Variants in XPR1 observed in about 807,000 individuals in gnomAD.
XPR1 encodes the protein xenotropic and polytropic retrovirus receptor 1.
XPR1 carries 28 observed loss-of-function variants against 87.5 expected under a neutral mutation model. The ratio of observed to expected loss-of-function variants is 0.32; its 90% CI spans 0.24 to 0.44. The LOEUF is 0.44. Ranked by LOEUF, XPR1 falls within the 20% of genes least tolerant of loss-of-function variation. XPR1 has a pLI of 1.00. For synonymous variants in XPR1, 300 were observed against 306.1 expected (o/e 0.98, Z 0.21); for missense variants, 559 against 862.3 (o/e 0.65, Z 4.41).
chr1:180,800,520 C>G (rs1361224592), intron 3 of XPR1, among the ~76,000 whole-genome samples: 2 of 152,226 alleles, frequency 1.3e-5, no homozygotes, highest in African/African-American at 4.8e-5. Context: ...AGCAGCCTAG[C>G]TAACACCTTG....
Position 180,674,651 on chromosome 1 carries a change from C to G in XPR1, c.70-7709C>G, listed in dbSNP as rs553270986. ...TCAGGTGGTCCTCCTGCCTCAGCCTCCTTAGAAGCTGGGCCTTCAAATACA... is the reference window on the plus strand; with the variant it reads ...TCAGGTGGTCCTCCTGCCTCAGCCTGCTTAGAAGCTGGGCCTTCAAATACA... On this transcript the variant is annotated intron_variant, in intron 1 of 14. Transcript: ENST00000367590. Among the ~76,000 whole-genome samples the G allele has an allele frequency of 6.6e-4, 101 of 152,162 alleles. 1 individual carries two copies. The highest frequency in any genetic ancestry group is 4.1e-4 in the Non-Finnish European group (28 of 68,004).
intron 1 of XPR1, among the ~76,000 whole-genome samples, chr1:180,668,146 T>A (rs1024166949): frequency 2.8e-5 from 4 of 140,614 alleles, no homozygotes; most frequent in Middle Eastern, 3.8e-3. Flanking sequence ...TTTTTTTTTT[T>A]AAGACAGAGT....
chr1:180,726,543 G>A (rs932560964), intron 2 of XPR1, among the ~76,000 whole-genome samples: 6 of 152,212 alleles, frequency 3.9e-5, no homozygotes, highest in African/African-American at 7.2e-5. Context: ...AGTTATCAAA[G>A]TGTTATCCAT....
rs369441954 is a variant in XPR1, at chr1:180,790,494, T to C, written c.223+2640T>C. Among the ~76,000 whole-genome samples the C allele has an allele frequency of 3.0e-4, 46 of 152,308 alleles. No homozygotes were observed. In the South Asian group the frequency reaches 4.8e-3, roughly 16 times the overall value. On this transcript the variant is annotated intron_variant, in intron 3 of 14. Transcript: ENST00000367590. ...CATGAAAGAACATGGCATATATGCA[T>C]GTCTCTTTCACCAGGATACAGGCAC... is the stretch of plus-strand genomic sequence containing the variant.
At chr1:180,686,564 C>G (rs1656785003) in intron 2 of XPR1, among the ~76,000 whole-genome samples, 1 of 152,104 alleles carries the variant, frequency 6.6e-6, no homozygotes, top group Admixed American at 6.5e-5. Flanking sequence ...TCTCGTTGAT[C>G]TGTCTGATGT....
intron 1 of XPR1, among the ~76,000 whole-genome samples, chr1:180,660,995 CTAA>C (rs1198704375): frequency 6.6e-6 from 1 of 152,060 alleles, no homozygotes; most frequent in Non-Finnish European, 1.5e-5. Flanking sequence ...CTCTTTAGCT[CTAA>C]TAATATTTGC....
chr1:180,695,408 T>TTGTGTGTGTGTG (rs1205037869), intron 2 of XPR1, among the ~76,000 whole-genome samples: 2,536 of 148,496 alleles, frequency 0.017, 35 homozygotes, highest in Middle Eastern at 0.028. Context: ...GTAGTCCCAT[T>TTGTGTGTGTGTG]TGTGTGTGTG....
rs1162437050 is a variant in XPR1 at position 180,887,320 on chromosome 1, C to G, written c.*3254C>G. On this transcript the variant is annotated 3_prime_UTR_variant, in exon 15 of 15. Transcript: ENST00000367590. ...GTTTTTAATATCAATTAAAATAGTC[C>G]TCAAAGGAATGAAGAGGAAGTCTAA... 1 of 152,074 alleles carries G rather than the reference C, an allele frequency of 6.6e-6. No homozygotes were observed. Among genetic ancestry groups the G allele is most frequent in the African/African-American group, 2.4e-5 (1 of 41,392 alleles). 9.4% of individuals were successfully genotyped at this position (152,074 alleles called of 1,614,324 possible).
chr1:180,651,607 A>T (rs1213685854), intron 1 of XPR1, among the ~76,000 whole-genome samples: 3 of 152,210 alleles, frequency 2.0e-5, no homozygotes, highest in Non-Finnish European at 4.4e-5. Flanking sequence ...GATAAAATAC[A>T]ATAGTATTTT....
intron 1 of XPR1, among the ~76,000 whole-genome samples, chr1:180,648,124 T>C (rs972958651): frequency 6.6e-6 from 1 of 152,212 alleles, no homozygotes; most frequent in African/African-American, 2.4e-5. Flanking sequence ...TAGTTGCTAT[T>C]GCTCAGCTCC....
rs547635831 is a variant in XPR1, at chr1:180,796,276, G to A, written c.224-7112G>A. Among the ~76,000 whole-genome samples the A allele has an allele frequency of 1.8e-4, 27 of 152,198 alleles. 1 individual carries two copies. The South Asian group carries it at 5.6e-3, about 32-fold the overall frequency. On this transcript the variant is annotated intron_variant, in intron 3 of 14. Coordinates refer to ENST00000367590, the MANE Select transcript of XPR1 (RefSeq NM_004736.4). ...GAAGTGTCATTGCAAAATAGATTGGGATACTTGGTGTCAAAAGCAGTATTT... is the reference window on the plus strand; with the variant it reads ...GAAGTGTCATTGCAAAATAGATTGGAATACTTGGTGTCAAAAGCAGTATTT...
intron 2 of XPR1, among the ~76,000 whole-genome samples, chr1:180,722,580 T>G (rs993878900): frequency 2.6e-5 from 4 of 152,210 alleles, no homozygotes; most frequent in Non-Finnish European, 4.4e-5. Context: ...AATACAAATG[T>G]TATTTTATCA....
At chr1:180,769,182 T>G (rs1275062819) in intron 2 of XPR1, among the ~76,000 whole-genome samples, 1 of 152,122 alleles carries the variant, frequency 6.6e-6, no homozygotes, top group Non-Finnish European at 1.5e-5. Context: ...CATACAGGGA[T>G]GCAATGCATA....
At chr1:180,780,819 T>C (rs1279476167) in intron 2 of XPR1, among the ~76,000 whole-genome samples, 1 of 151,916 alleles carries the variant, frequency 6.6e-6, no homozygotes, top group Non-Finnish European at 1.5e-5. Flanking sequence ...GTATTCTGGA[T>C]ACTAAACCCT....
At chr1:180,758,004 G>C (rs1571805525) in intron 2 of XPR1, among the ~76,000 whole-genome samples, 1 of 150,198 alleles carries the variant, frequency 6.7e-6, no homozygotes, top group Non-Finnish European at 1.5e-5. Flanking sequence ...CTGGATAGTA[G>C]TTTAAATGTG....
At chr1:180,673,463 G>A (rs1422876847) in intron 1 of XPR1, among the ~76,000 whole-genome samples, 3 of 152,086 alleles carry the variant, frequency 2.0e-5, no homozygotes, top group African/African-American at 7.2e-5. Context: ...AAATAAAGTA[G>A]GAACATATTT....
intron 2 of XPR1, among the ~76,000 whole-genome samples, chr1:180,728,147 A>G (rs796779704): frequency 1.4e-4 from 22 of 152,310 alleles, no homozygotes; most frequent in African/African-American, 4.6e-4. Context: ...AAGGATTTAC[A>G]TTTAATATGT....
At chr1:180,656,554 T>A in intron 1 of XPR1, among the ~76,000 whole-genome samples, 1 of 14,456 alleles carries the variant, frequency 6.9e-5, no homozygotes. Context: ...TATATATTTA[T>A]ATGTATAATA....
In XPR1 at chr1:180,887,783, T is replaced by G. The variant is rs1327662537; in HGVS notation, c.*3717T>G. On this transcript the variant is annotated 3_prime_UTR_variant, in exon 15 of 15. Coordinates refer to ENST00000367590, the MANE Select transcript of XPR1 (RefSeq NM_004736.4). ...TTCTAAACATGAGAGTTCTGTGACT[T>G]TAACTGAGCTCTTTACCAGAAGTAA... 6.6e-6 allele frequency: 1 copy of G among 152,244 alleles called. No individual in the cohort carries two copies. Among genetic ancestry groups the G allele is most frequent in the Non-Finnish European group, 1.5e-5 (1 of 68,042 alleles). 9.4% of individuals were successfully genotyped at this position (152,244 alleles called of 1,614,324 possible). A position where few individuals can be genotyped will look rare whatever the true frequency, so the allele number is the denominator to read the frequency against.
Sources: gnomAD v4.1 joint callset for allele counts (sites outside exome capture counted in the v4.1 genomes callset) on GRCh38, gnomAD v4.1.1 for gene constraint, MANE v1.5 for transcripts, NCBI Gene and HGNC (gene_info 2026-07-23, HGNC 2026-07-21) for gene names.